The following CNTNAP2 variants were observed in gnomAD, a reference collection of about 807,000 sequenced individuals.
CNTNAP2 encodes contactin-associated protein-like 2.
Under a neutral mutation model 155.2 loss-of-function variants are expected in CNTNAP2, and 98 were observed. The ratio of observed to expected loss-of-function variants is 0.63; its 90% CI spans 0.54 to 0.75. The LOEUF (loss-of-function observed/expected upper bound fraction) is 0.75. Ranked by LOEUF, CNTNAP2 falls within the 30% of genes least tolerant of loss-of-function variation. The pLI is 0.00. For synonymous variants in CNTNAP2, 651 were observed against 631.2 expected (o/e 1.03, Z -0.47); for missense variants, 1,727 against 1,688.1 (o/e 1.02, Z -0.40).
At chr7:146,142,060 T>C (rs1044876016) in intron 1 of CNTNAP2, among the ~76,000 whole-genome samples, 6 of 152,216 alleles carry the variant, frequency 3.9e-5, no homozygotes, top group Non-Finnish European at 5.9e-5. Context: ...TTCCTTGTTA[T>C]TAACCCACAT....
intron 14 of CNTNAP2, among the ~76,000 whole-genome samples, chr7:147,944,941 G>T (rs1800792250): frequency 6.6e-6 from 1 of 152,080 alleles, no homozygotes; most frequent in African/African-American, 2.4e-5. Context: ...ACTAGAAATT[G>T]CTATTTGCTG....
intron 15 of CNTNAP2, among the ~76,000 whole-genome samples, chr7:148,104,246 T>A (rs1199744881): frequency 6.6e-6 from 1 of 152,202 alleles, no homozygotes; most frequent in Admixed American, 6.5e-5. Flanking sequence ...TTTTATTTCC[T>A]GTAATGAAAA....
intron 13 of CNTNAP2, among the ~76,000 whole-genome samples, chr7:147,700,934 G>A (rs1320489650): frequency 6.6e-6 from 1 of 152,200 alleles, no homozygotes; most frequent in Non-Finnish European, 1.5e-5. Flanking sequence ...TCTGGAGAGT[G>A]GAACACCGCT....
intron 14 of CNTNAP2, among the ~76,000 whole-genome samples, chr7:147,971,951 C>T (rs1368895754): frequency 6.6e-6 from 1 of 152,170 alleles, no homozygotes; most frequent in Non-Finnish European, 1.5e-5. Flanking sequence ...AGAATCATGA[C>T]TTTACAGCCC....
rs371453818 is a variant in CNTNAP2, at chr7:146,474,227, T to G, written c.98-300044T>G. The stretch of plus-strand genomic sequence containing the variant: ...GTGCATTTATTTTTTTTTATTTTAT[T>G]AACCTACTTTTCCAAATAAACTATT... On this transcript the variant is annotated intron_variant, in intron 1 of 23. Coordinates refer to ENST00000361727, the MANE Select transcript of CNTNAP2 (RefSeq NM_014141.6). Among the ~76,000 whole-genome samples, 5 of 150,790 alleles carry G rather than the reference T, an allele frequency of 3.3e-5. No individual in the cohort carries two copies. The South Asian group carries it at 6.2e-4, about 19-fold the overall frequency.
chr7:147,857,956 T>C (rs1462927514), intron 13 of CNTNAP2, among the ~76,000 whole-genome samples: 1 of 152,224 alleles, frequency 6.6e-6, no homozygotes, highest in Non-Finnish European at 1.5e-5. Context: ...CTGTGAAGCC[T>C]TTCCAGTTCT....
intron 22 of CNTNAP2, among the ~76,000 whole-genome samples, chr7:148,397,082 A>T (rs1309718375): frequency 1.3e-5 from 2 of 152,216 alleles, no homozygotes; most frequent in African/African-American, 2.4e-5. Context: ...ATTTTGTTTT[A>T]TCCTGGAATG....
intron 1 of CNTNAP2, among the ~76,000 whole-genome samples, chr7:146,315,047 G>A (rs779901943): frequency 2.0e-5 from 3 of 152,150 alleles, no homozygotes; most frequent in Non-Finnish European, 4.4e-5. Flanking sequence ...GAAGGCCCTC[G>A]TAGGTGCTGT....
chr7:147,199,246 G>A (rs1392259095), intron 8 of CNTNAP2, among the ~76,000 whole-genome samples: 1 of 152,078 alleles, frequency 6.6e-6, no homozygotes. Context: ...ACAGGCGTGA[G>A]CCACCGCGCC....
In CNTNAP2 at chr7:147,365,602, T is replaced by C. The variant is rs185615069; in HGVS notation, c.1499-30007T>C. On this transcript the variant is annotated intron_variant, in intron 9 of 23. Coordinates refer to ENST00000361727, the MANE Select transcript of CNTNAP2 (RefSeq NM_014141.6). ...GTTACCCTAAAAATTAAAACATGGA[T>C]ATTTAATATGTCAAAACATTATCAG... is the stretch of plus-strand genomic sequence containing the variant. 3.3e-4 allele frequency among the ~76,000 whole-genome samples: 50 copies of C among 152,218 alleles called. No individual in the cohort carries two copies. The East Asian group carries it at 9.4e-3, about 29-fold the overall frequency.
chr7:146,731,712 T>A (rs989666604), intron 1 of CNTNAP2, among the ~76,000 whole-genome samples: 1 of 152,190 alleles, frequency 6.6e-6, no homozygotes, highest in Non-Finnish European at 1.5e-5. Flanking sequence ...AGTGTGTTTT[T>A]AACGTATAAA....
At chr7:147,026,286 TTGTATC>T (rs1798917899) in intron 3 of CNTNAP2, among the ~76,000 whole-genome samples, 2 of 152,182 alleles carry the variant, frequency 1.3e-5, no homozygotes, top group South Asian at 2.1e-4. Context: ...GAAACATAGA[TTGTATC>T]TGAGGAGAAA....
chr7:147,975,324 G>C (rs1343164248), intron 14 of CNTNAP2, among the ~76,000 whole-genome samples: 1 of 151,874 alleles, frequency 6.6e-6, no homozygotes, highest in African/African-American at 2.4e-5. Flanking sequence ...GAAGGGCATG[G>C]GGGGTGCTTC....
At chr7:146,259,471 T>A (rs1223974241) in intron 1 of CNTNAP2, among the ~76,000 whole-genome samples, 1 of 152,140 alleles carries the variant, frequency 6.6e-6, no homozygotes, top group Non-Finnish European at 1.5e-5. Context: ...GACAATTAAG[T>A]CCAGGCCTTG....
At chr7:148,048,924 T>G (rs556422134) in intron 15 of CNTNAP2, among the ~76,000 whole-genome samples, 2 of 152,088 alleles carry the variant, frequency 1.3e-5, no homozygotes, top group East Asian at 3.9e-4. Flanking sequence ...TATAAAAATG[T>G]GGCTAGGCCG....
chr7:147,673,609 T>G (rs1795822539), intron 13 of CNTNAP2, among the ~76,000 whole-genome samples: 1 of 152,222 alleles, frequency 6.6e-6, no homozygotes, highest in Non-Finnish European at 1.5e-5. Context: ...CTGCTTTACT[T>G]AGCTCCGATG....
chr7:147,648,624 A>G (rs1209370072), intron 13 of CNTNAP2, among the ~76,000 whole-genome samples: 1 of 152,214 alleles, frequency 6.6e-6, no homozygotes, highest in African/African-American at 2.4e-5. Context: ...GAGCTTGCTC[A>G]GAGAAACTCG....
At chr7:147,380,030 A>G (rs1188901351) in intron 9 of CNTNAP2, among the ~76,000 whole-genome samples, 1 of 151,972 alleles carries the variant, frequency 6.6e-6, no homozygotes, top group African/African-American at 2.4e-5. Flanking sequence ...AAACTGGAAA[A>G]TTTTCAGGCT....
intron 3 of CNTNAP2, among the ~76,000 whole-genome samples, chr7:146,931,844 G>A (rs1563007934): frequency 1.3e-5 from 2 of 152,086 alleles, no homozygotes; most frequent in African/African-American, 4.8e-5. Flanking sequence ...TAGAAGAAAT[G>A]GATACATTCC....
Sources: allele counts gnomAD v4.1 joint callset (sites outside exome capture counted in the v4.1 genomes callset), GRCh38; gene constraint gnomAD v4.1.1; transcripts MANE v1.5; gene names NCBI Gene and HGNC (gene_info 2026-07-23, HGNC 2026-07-21).